The following SLAMF6 variants were observed in gnomAD, a reference collection of about 807,000 sequenced individuals.
SLAMF6 encodes the protein NK-T-B-antigen.
A neutral mutation model predicts 38.3 loss-of-function variants in SLAMF6; 21 were observed. The observed-to-expected ratio is 0.55, with a 90% CI of 0.39 to 0.79. The LOEUF is 0.79. Ranked by LOEUF, SLAMF6 falls within the 30% of genes least tolerant of loss-of-function variation. The probability of loss-of-function intolerance (pLI) is 0.00; values close to 1 mark genes in which losing one functional copy is unlikely to be tolerated. For synonymous variants in SLAMF6, 152 were observed against 146.3 expected (o/e 1.04, Z -0.28); for missense variants, 341 against 385.3 (o/e 0.89, Z 0.96).
chr1:160,492,907 A>G (rs1653379488), intron 2 of SLAMF6, among the ~76,000 whole-genome samples: 1 of 152,080 alleles, frequency 6.6e-6, no homozygotes, highest in African/African-American at 2.4e-5. Flanking sequence ...CACTGCTATC[A>G]CCCTGATCCA....
At chr1:160,489,293 T>G (rs1653141607) in intron 5 of SLAMF6, 123 bp from the exon 6 acceptor site, 1 of 861,636 alleles carries the variant, frequency 1.2e-6, no homozygotes, top group African/African-American at 1.7e-5. Context: ...TCTCCTTTCC[T>G]GAGGGATCAT....
At position 160,511,193 on chromosome 1, in the gene SLAMF6, AT is replaced by A. The variant is rs544359796; in HGVS notation, c.49+11950del. ...CAATGCAATCCTTATCAAAATGTTG[AT>A]TTTTTTTCATAAATGGAAAAGCTAA... On this transcript the variant is annotated intron_variant, in intron 1 of 7. Transcript: ENST00000368057. Among the ~76,000 whole-genome samples, 14 of 152,136 alleles carry A rather than the reference AT, an allele frequency of 9.2e-5. No individual in the cohort carries two copies. In the East Asian group the frequency reaches 9.7e-4, roughly 10 times the overall value.
intron 6 of SLAMF6, among the ~76,000 whole-genome samples, chr1:160,487,411 A>C (rs957663886): frequency 3.9e-5 from 6 of 152,230 alleles, no homozygotes; most frequent in Admixed American, 6.5e-5. Flanking sequence ...CAATGGGCTC[A>C]AGAGCCAGAG....
chr1:160,518,829 T>A (rs565845087), intron 1 of SLAMF6, among the ~76,000 whole-genome samples: 199 of 152,110 alleles, frequency 1.3e-3, no homozygotes, highest in Non-Finnish European at 2.5e-3. Context: ...GGCTTAATAC[T>A]TAGGTGAGGT....
At position 160,491,290 on chromosome 1, in the gene SLAMF6, T is replaced by C. The variant is rs900898759; in HGVS notation, c.481A>G (p.Asn161Asp). Residue 161 changes from asparagine (N) to aspartate (D), a missense_variant, in exon 3 of 8, where the codon AAT (asparagine) becomes GAT (aspartate). Coordinates refer to ENST00000368057, the MANE Select transcript of SLAMF6 (RefSeq NM_001184714.2). ...LTCSVEDADD[N>D]VSFRWEALGN... ...AAGGCCTCCCATCTGAATGAGACAT[T>C]GTCATCTGCATCCTCCACAGAGCAA... 6.2e-7 allele frequency: 1 copy of C among 1,613,900 alleles called. No individual in the cohort carries two copies. Among genetic ancestry groups the C allele is most frequent in the Non-Finnish European group, 8.5e-7 (1 of 1,179,966 alleles).
intron 1 of SLAMF6, among the ~76,000 whole-genome samples, chr1:160,509,681 A>G (rs747580826): frequency 6.6e-6 from 1 of 152,106 alleles, no homozygotes; most frequent in African/African-American, 2.4e-5. Flanking sequence ...GGAAATTTAC[A>G]CTTTAAAAAA....
chr1:160,518,200 A>C (rs1654830471), intron 1 of SLAMF6, among the ~76,000 whole-genome samples: 1 of 152,174 alleles, frequency 6.6e-6, no homozygotes, highest in African/African-American at 2.4e-5. Flanking sequence ...TCAAAACCAC[A>C]ATGGGATACC....
At chr1:160,496,005 GGAATACAT>G in intron 2 of SLAMF6, 48 bp downstream of exon 2, 3 of 1,478,438 alleles carry the variant, frequency 2.0e-6, no homozygotes, top group Non-Finnish European at 2.8e-6. Flanking sequence ...ACATAGGATT[GGAATACAT>G]GTATATTTTT....
rs144933516 is a variant in SLAMF6 at position 160,491,700 on chromosome 1, C to T, written c.383-312G>A. On this transcript the variant is annotated intron_variant, in intron 2 of 7. Transcript: ENST00000368057. ...TATATTTCTGGTCTCCAGTTTATCC[C>T]TGGGTTCCCTTCTAGTCCTTGCACT... Among the ~76,000 whole-genome samples the T allele has an allele frequency of 4.4e-3, 665 of 152,260 alleles. 4 individuals are homozygous for T. Among genetic ancestry groups the T allele is most frequent in the African/African-American group, 0.015 (633 of 41,550 alleles).
chr1:160,510,889 G>C (rs73014362), intron 1 of SLAMF6, among the ~76,000 whole-genome samples: 3,911 of 152,178 alleles, frequency 0.026, 102 homozygotes, highest in East Asian at 0.11. Flanking sequence ...CAGCAAAGTT[G>C]CAAGATACAA....
intron 1 of SLAMF6, among the ~76,000 whole-genome samples, chr1:160,502,925 G>A (rs1009723883): frequency 1.3e-5 from 2 of 152,126 alleles, no homozygotes; most frequent in African/African-American, 2.4e-5. Context: ...TACTCTTTAG[G>A]TAACAGAGTC....
chr1:160,502,789 G>T (rs1653979523), intron 1 of SLAMF6, among the ~76,000 whole-genome samples: 1 of 152,192 alleles, frequency 6.6e-6, no homozygotes, highest in Non-Finnish European at 1.5e-5. Context: ...AATATAGCAA[G>T]CTGTGTTAGC....
At chr1:160,505,126 A>G (rs1453776672) in intron 1 of SLAMF6, among the ~76,000 whole-genome samples, 4 of 152,220 alleles carry the variant, frequency 2.6e-5, no homozygotes. Flanking sequence ...CATTTTAGAG[A>G]CTACATGTGA....
At chr1:160,490,385 A>G in intron 4 of SLAMF6, 149 bp from the exon 5 acceptor site, 2 of 1,373,698 alleles carry the variant, frequency 1.5e-6, no homozygotes, top group Non-Finnish European at 2.0e-6. Context: ...TCCCAGTAGG[A>G]CATTTCTCTC....
chr1:160,513,046 T>A (rs1654570604), intron 1 of SLAMF6, among the ~76,000 whole-genome samples: 1 of 152,018 alleles, frequency 6.6e-6, no homozygotes, highest in South Asian at 2.1e-4. Context: ...CTTCAGAAGG[T>A]GGGTAATAAT....
Position 160,490,954 on chromosome 1 carries a change from G to A in SLAMF6, c.646+171C>T, listed in dbSNP as rs1653257323. 6 of 922,710 alleles carry A rather than the reference G, an allele frequency of 6.5e-6. No homozygotes were observed. In the East Asian group the frequency reaches 1.0e-4, roughly 15 times the overall value. The allele number at this position is 922,710 out of a possible 1,614,324, so 57.2% of individuals were successfully genotyped here. A position where few individuals can be genotyped will look rare whatever the true frequency, so the allele number is the denominator to read the frequency against. ...GGGTTGGGGAATGGAGAGGAAGGAA[G>A]GAGAGTCCTCTGGGAGTACTGAGAG... On this transcript the variant is annotated intron_variant, in intron 3 of 7. Coordinates refer to ENST00000368057, the MANE Select transcript of SLAMF6 (RefSeq NM_001184714.2).
At chr1:160,508,354 A>C (rs925056272) in intron 1 of SLAMF6, among the ~76,000 whole-genome samples, 3 of 152,176 alleles carry the variant, frequency 2.0e-5, no homozygotes, top group Non-Finnish European at 2.9e-5. Flanking sequence ...AAATAGCACC[A>C]CACATCTACA....
At chr1:160,488,967 G>A (rs956799198) in intron 6 of SLAMF6, 121 bp downstream of exon 6, 51 of 858,364 alleles carry the variant, frequency 5.9e-5, no homozygotes, top group South Asian at 2.3e-4. Flanking sequence ...AGCCCCTGTC[G>A]CTGTGGCTGT....
chr1:160,502,531 T>C (rs1653962120), intron 1 of SLAMF6, among the ~76,000 whole-genome samples: 1 of 152,124 alleles, frequency 6.6e-6, no homozygotes, highest in Non-Finnish European at 1.5e-5. Flanking sequence ...GGGAACTCAG[T>C]GAATGTTAAG....
Sources: gnomAD v4.1 joint callset for allele counts (sites outside exome capture counted in the v4.1 genomes callset) on GRCh38, gnomAD v4.1.1 for gene constraint, MANE v1.5 for transcripts, NCBI Gene and HGNC (gene_info 2026-07-23, HGNC 2026-07-21) for gene names.